Variants in CEP55 observed in about 807,000 individuals in gnomAD.
CEP55 encodes centrosomal protein of 55 kDa.
In CEP55, 57 loss-of-function variants were observed where a neutral mutation model predicts 63.2. The observed-to-expected ratio is 0.90, with a 90% CI of 0.73 to 1.13. The LOEUF is 1.13. Among genes scored for constraint, CEP55 ranks in the 50% most tolerant of loss-of-function variants. The pLI is 0.00. For synonymous variants in CEP55, 178 were observed against 191.6 expected (o/e 0.93, Z 0.59); for missense variants, 456 against 518.9 (o/e 0.88, Z 1.18).
intron 8 of CEP55, among the ~76,000 whole-genome samples, chr10:93,523,440 A>G (rs2057885026): frequency 6.6e-6 from 1 of 152,220 alleles, no homozygotes; most frequent in Admixed American, 6.5e-5. Flanking sequence ...TTCATAAAGC[A>G]AGTCCTTAGA....
In CEP55 at chr10:93,503,278, G is replaced by A. The variant is rs2057653060; in HGVS notation, c.349G>A (p.Val117Met). ...GAGAGAAGGAGAAAGGAGGGAGCAG[G>A]TGTTGAAAGCCTTATCTGAAGAGAA... ...TTREGERREQVLKALSEEKDV... is the reference protein window; with the variant it reads ...TTREGERREQMLKALSEEKDV... The change falls in exon 3 of 9, where the codon GTG (valine) becomes ATG (methionine). Residue 117 changes from valine to methionine, a missense_variant. Physicochemically the swap from Val to Met is conservative, Grantham distance 21. Coordinates refer to ENST00000371485, the MANE Select transcript of CEP55 (RefSeq NM_018131.5). 1.1e-5 allele frequency: 18 copies of A among 1,614,196 alleles called. No individual in the cohort carries two copies. Among genetic ancestry groups the A allele is most frequent in the Non-Finnish European group, 1.5e-5 (18 of 1,180,040 alleles).
chr10:93,499,974 C>T (rs1253432907), intron 1 of CEP55, 66 bp from the exon 2 acceptor site: 1 of 1,078,910 alleles, frequency 9.3e-7, no homozygotes, highest in Non-Finnish European at 1.4e-6. Context: ...GGTTATTAGA[C>T]CTGTTTCAAA....
At chr10:93,524,361 C>T (rs1241939115) in intron 8 of CEP55, among the ~76,000 whole-genome samples, 1 of 152,084 alleles carries the variant, frequency 6.6e-6, no homozygotes, top group African/African-American at 2.4e-5. Flanking sequence ...AATTCCTCGA[C>T]ACATACACCC....
At chr10:93,522,480 C>T (rs1026899271) in intron 8 of CEP55, among the ~76,000 whole-genome samples, 5 of 152,138 alleles carry the variant, frequency 3.3e-5, no homozygotes, top group South Asian at 2.1e-4. Flanking sequence ...CTGAAAGTGA[C>T]GAGGAGAATG....
intron 8 of CEP55, among the ~76,000 whole-genome samples, chr10:93,521,917 A>G (rs1199205454): frequency 2.0e-5 from 3 of 152,236 alleles, no homozygotes; most frequent in African/African-American, 7.2e-5. Flanking sequence ...ACAAACAGAA[A>G]GGACATCCAC....
At chr10:93,506,692 C>T (rs1254947930) in intron 3 of CEP55, among the ~76,000 whole-genome samples, 2 of 152,150 alleles carry the variant, frequency 1.3e-5, no homozygotes, top group African/African-American at 4.8e-5. Flanking sequence ...CTCAGCCTCC[C>T]GTGTAGCTGG....
At chr10:93,523,943 T>C (rs1301759338) in intron 8 of CEP55, among the ~76,000 whole-genome samples, 1 of 152,170 alleles carries the variant, frequency 6.6e-6, no homozygotes, top group Non-Finnish European at 1.5e-5. Context: ...TAAAGCAGTG[T>C]GTAGAGGGAA....
chr10:93,499,750 G>T (rs1356747546), intron 1 of CEP55, among the ~76,000 whole-genome samples: 1 of 151,924 alleles, frequency 6.6e-6, no homozygotes, highest in Non-Finnish European at 1.5e-5. Context: ...TCGAACTCCT[G>T]ACCTCATGAT....
chr10:93,497,570 T>C (rs2057585531), intron 1 of CEP55, among the ~76,000 whole-genome samples: 1 of 151,810 alleles, frequency 6.6e-6, no homozygotes, highest in African/African-American at 2.4e-5. Context: ...CCGGCCCCAA[T>C]CAACCAATCA....
At chr10:93,500,321 C>T (rs916632626) in intron 2 of CEP55, 87 bp downstream of exon 2, 22 of 1,113,770 alleles carry the variant, frequency 2.0e-5, no homozygotes, top group East Asian at 4.8e-5. Context: ...TTACTCTTGC[C>T]GTGTTCCCTG....
chr10:93,510,410 C>T (rs2057733336), intron 4 of CEP55: 1 of 152,098 alleles, frequency 6.6e-6, no homozygotes, highest in South Asian at 2.1e-4. Context: ...ACATATAACG[C>T]CCATATCCCC....
intron 3 of CEP55, among the ~76,000 whole-genome samples, chr10:93,506,064 C>T (rs527573636): frequency 3.3e-5 from 5 of 151,936 alleles, no homozygotes; most frequent in East Asian, 3.9e-4. Flanking sequence ...TCTGCCTCAG[C>T]CCCCCGACTA....
intron 2 of CEP55, among the ~76,000 whole-genome samples, chr10:93,501,648 C>T (rs1369504030): frequency 6.6e-6 from 1 of 151,596 alleles, no homozygotes; most frequent in South Asian, 2.1e-4. Context: ...GCCTGGGTGA[C>T]AGAGCAAGAC....
chr10:93,528,105 C>T lies in CEP55; in HGVS notation c.1347C>T (p.Ala449=), dbSNP rs901776694. The T allele has an allele frequency of 6.2e-7, 1 of 1,614,010 alleles. No homozygotes were observed. Among genetic ancestry groups the T allele is most frequent in the East Asian group, 2.2e-5 (1 of 44,872 alleles). The change falls in exon 9 of 9, where the codon GCC becomes GCT. Residue 449 remains alanine (A), a synonymous_variant. Coordinates refer to ENST00000371485, the MANE Select transcript of CEP55 (RefSeq NM_018131.5). ...ECPKCNIQYP[A]TEHRDLLVHV... is the part of the protein sequence containing the mutation. ...CCAAGTGCAATATACAGTATCCAGC[C>T]ACTGAGCATCGCGATCTGCTTGTCC...
chr10:93,510,258 G>A (rs983902831), intron 4 of CEP55, among the ~76,000 whole-genome samples: 1 of 152,132 alleles, frequency 6.6e-6, no homozygotes, highest in Non-Finnish European at 1.5e-5. Flanking sequence ...TTTAATAGGC[G>A]TTTCTTGCTC....
chr10:93,520,820 A>G (rs2057853324), intron 8 of CEP55, among the ~76,000 whole-genome samples: 1 of 152,252 alleles, frequency 6.6e-6, no homozygotes, highest in African/African-American at 2.4e-5. Context: ...CTGTATGAAT[A>G]AAAGAAAGAA....
At chr10:93,523,244 A>G (rs2057882638) in intron 8 of CEP55, among the ~76,000 whole-genome samples, 1 of 152,218 alleles carries the variant, frequency 6.6e-6, no homozygotes, top group Admixed American at 6.5e-5. Context: ...ATTGAGGAAG[A>G]TCTACCAAGC....
chr10:93,519,025 A>G (rs200623428), intron 7 of CEP55, 77 bp downstream of exon 7: 1,228 of 1,058,920 alleles, frequency 1.2e-3, no homozygotes, highest in Non-Finnish European at 1.6e-3. Flanking sequence ...ATGCTGTTCT[A>G]TGGAGAACTG....
At chr10:93,503,449 T>C (rs762949003) in intron 3 of CEP55, 61 bp downstream of exon 3, 13 of 1,487,012 alleles carry the variant, frequency 8.7e-6, no homozygotes, top group Non-Finnish European at 1.2e-5. Context: ...TTGTAATTCT[T>C]AGGAGGAATG....
Sources: allele counts gnomAD v4.1 joint callset (sites outside exome capture counted in the v4.1 genomes callset), GRCh38; gene constraint gnomAD v4.1.1; transcripts MANE v1.5; gene names NCBI Gene and HGNC (gene_info 2026-07-23, HGNC 2026-07-21).